The following KCTD8 variants were observed in gnomAD, a reference collection of about 807,000 sequenced individuals.
KCTD8 encodes BTB/POZ domain-containing protein KCTD8.
Under a neutral mutation model 31.5 loss-of-function variants are expected in KCTD8, and 27 were observed. That is an observed-to-expected ratio of 0.86 (90% CI 0.63 to 1.18). The LOEUF is 1.18. Ranked by LOEUF, KCTD8 falls within the 50% of genes most tolerant of loss-of-function variation. The pLI, the probability that KCTD8 is intolerant of heterozygous loss-of-function variation, is 0.00. For synonymous variants in KCTD8, 290 were observed against 280.0 expected (o/e 1.04, Z -0.36); for missense variants, 658 against 647.7 (o/e 1.02, Z -0.17).
intron 1 of KCTD8, among the ~76,000 whole-genome samples, chr4:44,286,806 G>A (rs1227301459): frequency 6.6e-6 from 1 of 152,052 alleles, no homozygotes; most frequent in East Asian, 1.9e-4. Context: ...AAAAAATAGA[G>A]GGATTGAATA....
chr4:44,264,394 A>G (rs779060824), intron 1 of KCTD8, among the ~76,000 whole-genome samples: 12 of 152,186 alleles, frequency 7.9e-5, no homozygotes, highest in Non-Finnish European at 1.8e-4. Context: ...TTTGTTTCAC[A>G]TTAGGGCAGT....
intron 1 of KCTD8, among the ~76,000 whole-genome samples, chr4:44,195,000 C>T (rs889601743): frequency 1.3e-5 from 2 of 150,954 alleles, no homozygotes; most frequent in Non-Finnish European, 3.0e-5. Flanking sequence ...GGATTACAGG[C>T]ATGTACCACC....
intron 1 of KCTD8, among the ~76,000 whole-genome samples, chr4:44,266,151 G>A (rs1399355204): frequency 6.6e-6 from 1 of 152,076 alleles, no homozygotes; most frequent in Non-Finnish European, 1.5e-5. Context: ...GAGAAAGGTT[G>A]GGTTACCCAC....
At chr4:44,232,600 T>C (rs1219962040) in intron 1 of KCTD8, among the ~76,000 whole-genome samples, 1 of 152,194 alleles carries the variant, frequency 6.6e-6, no homozygotes, top group African/African-American at 2.4e-5. Context: ...GCAGTGTTTG[T>C]ACTTCCATAA....
At chr4:44,195,487 C>G (rs1713911624) in intron 1 of KCTD8, among the ~76,000 whole-genome samples, 1 of 152,106 alleles carries the variant, frequency 6.6e-6, no homozygotes, top group African/African-American at 2.4e-5. Flanking sequence ...AAAGATCATA[C>G]AGAAGACCAA....
intron 1 of KCTD8, among the ~76,000 whole-genome samples, chr4:44,187,882 A>G (rs1713634730): frequency 1.3e-5 from 2 of 152,106 alleles, no homozygotes; most frequent in African/African-American, 2.4e-5. Flanking sequence ...CTGTTATGCA[A>G]TACTAAACAG....
At chr4:44,240,063 CATT>C (rs1379161209) in intron 1 of KCTD8, among the ~76,000 whole-genome samples, 1 of 152,154 alleles carries the variant, frequency 6.6e-6, no homozygotes, top group Non-Finnish European at 1.5e-5. Context: ...TGCATAATGT[CATT>C]TATCGGGACC....
intron 1 of KCTD8, among the ~76,000 whole-genome samples, chr4:44,414,965 G>T (rs2109466420): frequency 6.6e-6 from 1 of 152,266 alleles, no homozygotes; most frequent in Admixed American, 6.5e-5. Flanking sequence ...AGGAAGCCAA[G>T]GGAAAGTTTG....
chr4:44,294,050 T>C (rs748885281), intron 1 of KCTD8, among the ~76,000 whole-genome samples: 7 of 152,198 alleles, frequency 4.6e-5, no homozygotes, highest in Non-Finnish European at 1.0e-4. Flanking sequence ...AAGGATAATG[T>C]TCATTTTGCC....
At chr4:44,237,005 A>T (rs1475728670) in intron 1 of KCTD8, among the ~76,000 whole-genome samples, 1 of 152,204 alleles carries the variant, frequency 6.6e-6, no homozygotes, top group East Asian at 1.9e-4. Flanking sequence ...CCCAAGCCAC[A>T]TGGAACTGTG....
chr4:44,203,290 G>T (rs531529884), intron 1 of KCTD8, among the ~76,000 whole-genome samples: 7 of 152,152 alleles, frequency 4.6e-5, no homozygotes, highest in Non-Finnish European at 1.0e-4. Flanking sequence ...ATCACCTGAG[G>T]TCAGGAGTTC....
In KCTD8 at chr4:44,420,977, T is replaced by TA. The variant is rs915513244; in HGVS notation, c.961+26585dup. 3.5e-3 allele frequency among the ~76,000 whole-genome samples: 513 copies of TA among 147,022 alleles called. 1 individual carries two copies. Among genetic ancestry groups the TA allele is most frequent in the South Asian group, 8.2e-3 (38 of 4,638 alleles). ...AAAGCTGCTTTTTAAGAAGAGAGATTAAAAAAAAAAGGCAGTGACTTTCTA... is the reference window on the plus strand; with the variant it reads ...AAAGCTGCTTTTTAAGAAGAGAGATTAAAAAAAAAAAGGCAGTGACTTTCTA... On this transcript the variant is annotated intron_variant, in intron 1 of 1. Transcript: ENST00000360029.
chr4:44,230,984 C>T (rs532429292), intron 1 of KCTD8, among the ~76,000 whole-genome samples: 8 of 152,088 alleles, frequency 5.3e-5, no homozygotes, highest in African/African-American at 1.9e-4. Context: ...CTGAAAAAAT[C>T]GATTTCGCTG....
At chr4:44,337,434 G>A (rs1442775713) in intron 1 of KCTD8, among the ~76,000 whole-genome samples, 2 of 151,972 alleles carry the variant, frequency 1.3e-5, no homozygotes, top group Non-Finnish European at 2.9e-5. Flanking sequence ...CCAGCACTTC[G>A]AGAGGCCAAG....
intron 1 of KCTD8, among the ~76,000 whole-genome samples, chr4:44,440,952 C>T (rs970517044): frequency 2.0e-5 from 3 of 152,142 alleles, no homozygotes; most frequent in African/African-American, 4.8e-5. Context: ...ATGATATACA[C>T]TCAGCACAGA....
intron 1 of KCTD8, among the ~76,000 whole-genome samples, chr4:44,372,589 C>A (rs1719819046): frequency 6.6e-6 from 1 of 152,088 alleles, no homozygotes; most frequent in Non-Finnish European, 1.5e-5. Context: ...TTTCTTATTT[C>A]TATGTAAAGA....
At chr4:44,226,520 T>C (rs895967713) in intron 1 of KCTD8, among the ~76,000 whole-genome samples, 2 of 152,212 alleles carry the variant, frequency 1.3e-5, no homozygotes, top group African/African-American at 2.4e-5. Context: ...TGTGTCTTCA[T>C]AGCAGAATAA....
At position 44,279,587 on chromosome 4, in the gene KCTD8, T is replaced by A. The variant is rs192823215; in HGVS notation, c.962-104337A>T. ...CAATTCATTAGTAACTTTAATTACA[T>A]CTAGAAATTCCCTTGTTCCCACATA... On this transcript the variant is annotated intron_variant, in intron 1 of 1. Coordinates refer to ENST00000360029, the MANE Select transcript of KCTD8 (RefSeq NM_198353.3). Among the ~76,000 whole-genome samples, 130 of 152,174 alleles carry A rather than the reference T, an allele frequency of 8.5e-4. 1 individual carries two copies. The Middle Eastern group carries it at 0.01, about 12-fold the overall frequency.
chr4:44,378,112 TCAAAC>T (rs145678244), intron 1 of KCTD8, among the ~76,000 whole-genome samples: 11,765 of 150,044 alleles, frequency 0.078, 483 homozygotes, highest in South Asian at 0.11. Context: ...AAAAAAAAAA[TCAAAC>T]CACCTCTCTG....
Sources: allele counts gnomAD v4.1 joint callset (sites outside exome capture counted in the v4.1 genomes callset), GRCh38; gene constraint gnomAD v4.1.1; transcripts MANE v1.5; gene names NCBI Gene and HGNC (gene_info 2026-07-23, HGNC 2026-07-21).